Variants in ZFHX3 observed in about 807,000 individuals in gnomAD.
ZFHX3 encodes the protein zinc finger homeobox 3.
In ZFHX3, 42 loss-of-function variants were observed where a neutral mutation model predicts 279.1. The ratio of observed to expected loss-of-function variants is 0.15; its 90% CI spans 0.12 to 0.19. The LOEUF is 0.19. ZFHX3 is among the 10% of genes least tolerant of loss of function. ZFHX3 has a pLI of 1.00. For missense variants in ZFHX3, 4,981 were observed against 4,754.0 expected, an observed-to-expected ratio of 1.05 and a Z score of -1.40; for synonymous variants, 2,293 against 1,957.8, an observed-to-expected ratio of 1.17 and a Z score of -4.52.
intron 1 of ZFHX3, among the ~76,000 whole-genome samples, chr16:73,027,207 T>C (rs923735642): frequency 1.3e-5 from 2 of 152,248 alleles, no homozygotes; most frequent in Non-Finnish European, 2.9e-5. Context: ...CCAACATGTG[T>C]TGGGTCGGAA....
At chr16:73,546,496 C>T (rs1483811561) in intron 2 of ZFHX3, among the ~76,000 whole-genome samples, 1 of 10,982 alleles carries the variant, frequency 9.1e-5, no homozygotes, top group Non-Finnish European at 1.7e-4. Flanking sequence ...TTCTTTTTGG[C>T]GGGGGGCGGG....
chr16:73,187,990 T>C (rs1967952997), intron 5 of ZFHX3, among the ~76,000 whole-genome samples: 1 of 152,052 alleles, frequency 6.6e-6, no homozygotes, highest in Non-Finnish European at 1.5e-5. Flanking sequence ...TCCCAAGTAG[T>C]AGCTGGGACT....
chr16:73,332,774 C>A (rs557432465), intron 3 of ZFHX3, among the ~76,000 whole-genome samples: 47 of 152,250 alleles, frequency 3.1e-4, no homozygotes, highest in Middle Eastern at 6.8e-3. Context: ...GCTCACAGAG[C>A]CCTCAAGGTA....
intron 3 of ZFHX3, among the ~76,000 whole-genome samples, chr16:73,326,548 G>A (rs889849101): frequency 6.6e-6 from 1 of 152,188 alleles, no homozygotes; most frequent in Non-Finnish European, 1.5e-5. Flanking sequence ...TATTTGCAAT[G>A]CCAAGAATAG....
chr16:73,395,834 C>CTAAT (rs138782327), intron 3 of ZFHX3, among the ~76,000 whole-genome samples: 2,435 of 152,196 alleles, frequency 0.016, 75 homozygotes, highest in African/African-American at 0.055. Context: ...CGAATAGACC[C>CTAAT]TAATTACTTA....
intron 2 of ZFHX3, among the ~76,000 whole-genome samples, chr16:73,490,409 T>A (rs918025344): frequency 2.6e-5 from 4 of 152,256 alleles, no homozygotes; most frequent in African/African-American, 9.6e-5. Context: ...CTACTAAAAA[T>A]TTTATTTTGG....
chr16:73,550,287 C>G (rs1200528157), intron 2 of ZFHX3, among the ~76,000 whole-genome samples: 1 of 152,142 alleles, frequency 6.6e-6, no homozygotes, highest in African/African-American at 2.4e-5. Context: ...CAGTCCACTC[C>G]GTTAATGTCA....
At chr16:73,770,630 T>A (rs780470813) in intron 1 of ZFHX3, among the ~76,000 whole-genome samples, 3 of 152,164 alleles carry the variant, frequency 2.0e-5, no homozygotes, top group Non-Finnish European at 4.4e-5. Context: ...GAAAATAGCA[T>A]TGCTATCTGG....
At chr16:73,040,699 C>T (rs117110076) in intron 1 of ZFHX3, among the ~76,000 whole-genome samples, 3 of 152,192 alleles carry the variant, frequency 2.0e-5, no homozygotes, top group East Asian at 1.9e-4. Context: ...TTTATTTCTT[C>T]CAAGGTGGTA....
chr16:72,910,146 A>C (rs529199603), intron 3 of ZFHX3, among the ~76,000 whole-genome samples: 1 of 152,288 alleles, frequency 6.6e-6, no homozygotes, highest in East Asian at 1.9e-4. Context: ...ATAAGGGTTA[A>C]GGTTATACAC....
At chr16:73,568,696 G>A (rs2020484549) in intron 2 of ZFHX3, among the ~76,000 whole-genome samples, 1 of 152,194 alleles carries the variant, frequency 6.6e-6, no homozygotes, top group Non-Finnish European at 1.5e-5. Context: ...CATTGTGCGA[G>A]GCTGCAGCAT....
intron 3 of ZFHX3, among the ~76,000 whole-genome samples, chr16:73,416,138 A>C (rs1223033257): frequency 6.7e-6 from 1 of 149,624 alleles, no homozygotes; most frequent in Non-Finnish European, 1.5e-5. Context: ...AAAAAAAAAA[A>C]CAAAAAACGG....
intron 2 of ZFHX3, among the ~76,000 whole-genome samples, chr16:73,587,238 G>T (rs762380107): frequency 6.6e-6 from 1 of 152,102 alleles, no homozygotes; most frequent in South Asian, 2.1e-4. Flanking sequence ...CCTTAACATC[G>T]GCAATAGGGA....
chr16:73,440,804 C>T (rs1330812178), intron 3 of ZFHX3, among the ~76,000 whole-genome samples: 1 of 152,178 alleles, frequency 6.6e-6, no homozygotes, highest in East Asian at 1.9e-4. Flanking sequence ...CCCCCAGCTC[C>T]CATGTGTATA....
intron 4 of ZFHX3, among the ~76,000 whole-genome samples, chr16:73,268,938 T>C (rs958034909): frequency 6.6e-6 from 1 of 152,188 alleles, no homozygotes; most frequent in Non-Finnish European, 1.5e-5. Context: ...AAGCTTGGTC[T>C]ACAGCAGTGC....
intron 4 of ZFHX3, among the ~76,000 whole-genome samples, chr16:73,309,543 G>C (rs561463628): frequency 6.6e-6 from 1 of 152,332 alleles, no homozygotes; most frequent in Non-Finnish European, 1.5e-5. Flanking sequence ...TGTGGGAAAT[G>C]AAATTTGATG....
At chr16:72,992,633 CT>C (rs1279018848) in intron 1 of ZFHX3, among the ~76,000 whole-genome samples, 1 of 152,210 alleles carries the variant, frequency 6.6e-6, no homozygotes, top group African/African-American at 2.4e-5. Flanking sequence ...GCCAGCACTT[CT>C]CTAGGTCTTA....
chr16:73,885,983 A>G (rs1165124053), intron 1 of ZFHX3, among the ~76,000 whole-genome samples: 1 of 152,176 alleles, frequency 6.6e-6, no homozygotes, highest in Non-Finnish European at 1.5e-5. Flanking sequence ...CTTTCCATCC[A>G]TATGCCTGTA....
chr16:73,385,336 G>A (rs2143379911), intron 3 of ZFHX3, among the ~76,000 whole-genome samples: 1 of 152,234 alleles, frequency 6.6e-6, no homozygotes, highest in South Asian at 2.1e-4. Context: ...GAGCAATTAG[G>A]GCCATGAACA....
Sources: gnomAD v4.1 joint callset for allele counts (sites outside exome capture counted in the v4.1 genomes callset) on GRCh38, gnomAD v4.1.1 for gene constraint, MANE v1.5 for transcripts, NCBI Gene and HGNC (gene_info 2026-07-23, HGNC 2026-07-21) for gene names.